MAPK10: variants seen among roughly 807,000 people sequenced by gnomAD.
The protein encoded by MAPK10 is JNK3 alpha protein kinase.
A neutral mutation model predicts 59.3 loss-of-function variants in MAPK10; 25 were observed. The ratio of observed to expected loss-of-function variants is 0.42; its 90% CI spans 0.31 to 0.59. The LOEUF (loss-of-function observed/expected upper bound fraction) is 0.59. Ranked by LOEUF, MAPK10 falls within the 20% of genes least tolerant of loss-of-function variation. The probability of loss-of-function intolerance (pLI) is 0.15; values close to 1 mark genes in which losing one functional copy is unlikely to be tolerated. For missense variants in MAPK10, 351 were observed against 568.9 expected, an observed-to-expected ratio of 0.62 and a Z score of 3.90; for synonymous variants, 190 against 200.5, an observed-to-expected ratio of 0.95 and a Z score of 0.44.
At chr4:86,162,171 T>C (rs965251805) in intron 3 of MAPK10, among the ~76,000 whole-genome samples, 1 of 151,610 alleles carries the variant, frequency 6.6e-6, no homozygotes, top group African/African-American at 2.4e-5. Context: ...AGTTAAAGTA[T>C]GGATAATACA....
chr4:86,282,988 CCT>C (rs2094870126), intron 2 of MAPK10, among the ~76,000 whole-genome samples: 1 of 152,056 alleles, frequency 6.6e-6, no homozygotes, highest in Admixed American at 6.6e-5. Flanking sequence ...GATTTCATTC[CCT>C]CTTTTTCATC....
chr4:86,234,829 C>A (rs1268633624), intron 2 of MAPK10, among the ~76,000 whole-genome samples: 1 of 152,070 alleles, frequency 6.6e-6, no homozygotes, highest in African/African-American at 2.4e-5. Context: ...AATCAACAAC[C>A]TCTAAGACCC....
At chr4:86,147,464 C>T (rs1467842042) in intron 4 of MAPK10, among the ~76,000 whole-genome samples, 1 of 152,098 alleles carries the variant, frequency 6.6e-6, no homozygotes, top group Non-Finnish European at 1.5e-5. Context: ...CCTCATGTGC[C>T]AGGCACTAAT....
intron 1 of MAPK10, among the ~76,000 whole-genome samples, chr4:86,507,655 T>TATATATATACATATATAC (rs1554274999): frequency 1.4e-5 from 1 of 71,266 alleles, no homozygotes; most frequent in Non-Finnish European, 2.9e-5. Context: ...TATATATATA[T>TATATATATACATATATAC]ATATATATAT....
chr4:86,193,531 C>T (rs555091397), intron 3 of MAPK10: 1 of 152,386 alleles, frequency 6.6e-6, no homozygotes, highest in Admixed American at 6.5e-5. Context: ...TTCGAACTTT[C>T]CAGCATCTTT....
intron 2 of MAPK10, among the ~76,000 whole-genome samples, chr4:86,243,028 C>T (rs1471270721): frequency 2.0e-5 from 3 of 152,204 alleles, no homozygotes; most frequent in African/African-American, 2.4e-5. Flanking sequence ...CTGGGTAGCG[C>T]GCTCACTCAC....
chr4:86,292,423 G>A (rs1431797019), intron 2 of MAPK10, among the ~76,000 whole-genome samples: 4 of 152,156 alleles, frequency 2.6e-5, no homozygotes, highest in African/African-American at 4.8e-5. Context: ...AACTGTATCC[G>A]TGGTATAGAA....
At chr4:86,517,982 C>T (rs183191477) in intron 1 of MAPK10, among the ~76,000 whole-genome samples, 2 of 152,112 alleles carry the variant, frequency 1.3e-5, no homozygotes, top group East Asian at 3.9e-4. Context: ...TTCAGAGTTC[C>T]TATTTCTTCC....
At chr4:86,351,044 T>A (rs1212465526) in intron 2 of MAPK10, among the ~76,000 whole-genome samples, 2 of 152,096 alleles carry the variant, frequency 1.3e-5, no homozygotes, top group African/African-American at 2.4e-5. Flanking sequence ...GACAAGCCAC[T>A]TACCCTCCTT....
intron 1 of MAPK10, among the ~76,000 whole-genome samples, chr4:86,421,129 A>G (rs1269508788): frequency 2.0e-5 from 3 of 152,072 alleles, no homozygotes; most frequent in Admixed American, 6.6e-5. Flanking sequence ...CTTTTGAATG[A>G]CATAATCGTG....
At chr4:86,068,260 T>A (rs940891153) in intron 9 of MAPK10, among the ~76,000 whole-genome samples, 5 of 152,196 alleles carry the variant, frequency 3.3e-5, no homozygotes, top group Non-Finnish European at 7.4e-5. Context: ...AATCTCATAT[T>A]CTGCAGATAA....
At chr4:86,545,039 T>C (rs994903371) in intron 1 of MAPK10, among the ~76,000 whole-genome samples, 1 of 152,190 alleles carries the variant, frequency 6.6e-6, no homozygotes, top group Non-Finnish European at 1.5e-5. Flanking sequence ...TGTTTCTGTG[T>C]TGTTTTTTCC....
At chr4:86,304,807 A>G (rs2095538270) in intron 2 of MAPK10, among the ~76,000 whole-genome samples, 1 of 152,146 alleles carries the variant, frequency 6.6e-6, no homozygotes, top group South Asian at 2.1e-4. Flanking sequence ...TAGTCCTCTT[A>G]GTTATCTCAT....
chr4:86,045,615 A>T (rs1301021656), intron 11 of MAPK10, among the ~76,000 whole-genome samples: 1 of 151,936 alleles, frequency 6.6e-6, no homozygotes, highest in Non-Finnish European at 1.5e-5. Flanking sequence ...CTATTGCCCC[A>T]CTTCCTAGTG....
intron 1 of MAPK10, among the ~76,000 whole-genome samples, chr4:86,383,123 T>C (rs1382761309): frequency 6.6e-6 from 1 of 152,220 alleles, no homozygotes; most frequent in East Asian, 1.9e-4. Context: ...ATAAATGTAA[T>C]CTCAGGCAAA....
At chr4:86,094,702 A>T (rs1320495500) in intron 9 of MAPK10, among the ~76,000 whole-genome samples, 17 of 151,864 alleles carry the variant, frequency 1.1e-4, no homozygotes, top group Admixed American at 7.9e-4. Context: ...GAATGACTGG[A>T]TAGTTCTTAG....
intron 2 of MAPK10, among the ~76,000 whole-genome samples, chr4:86,293,901 C>A (rs1185589158): frequency 6.6e-6 from 1 of 152,190 alleles, no homozygotes; most frequent in African/African-American, 2.4e-5. Flanking sequence ...CCACCTCCAA[C>A]ACTGAGGACT....
At chr4:86,288,998 C>A (rs1266563745) in intron 2 of MAPK10, among the ~76,000 whole-genome samples, 1 of 150,768 alleles carries the variant, frequency 6.6e-6, no homozygotes, top group African/African-American at 2.4e-5. Context: ...TAAATAAACA[C>A]TATACTTTCA....
At chr4:86,111,055 T>A (rs752168952) in intron 4 of MAPK10, among the ~76,000 whole-genome samples, 1 of 152,182 alleles carries the variant, frequency 6.6e-6, no homozygotes, top group Non-Finnish European at 1.5e-5. Context: ...GAAATGCATG[T>A]GACTTTTTCA....
Sources: allele counts gnomAD v4.1 joint callset (sites outside exome capture counted in the v4.1 genomes callset), GRCh38; gene constraint gnomAD v4.1.1; transcripts MANE v1.5; gene names NCBI Gene and HGNC (gene_info 2026-07-23, HGNC 2026-07-21).